AGPAT4: variants seen among roughly 807,000 people sequenced by gnomAD.
AGPAT4 encodes 1-acyl-sn-glycerol-3-phosphate acyltransferase delta.
Under a neutral mutation model 48.0 loss-of-function variants are expected in AGPAT4, and 15 were observed. That is an observed-to-expected ratio of 0.31 (90% CI 0.21 to 0.48). The LOEUF is 0.48. Among genes scored for constraint, AGPAT4 ranks in the 20% least tolerant of loss-of-function variants. The pLI, the probability that AGPAT4 is intolerant of heterozygous loss-of-function variation, is 0.99. For missense variants in AGPAT4, 314 were observed against 482.5 expected, an observed-to-expected ratio of 0.65 and a Z score of 3.27; for synonymous variants, 178 against 198.7, an observed-to-expected ratio of 0.90 and a Z score of 0.88.
Position 161,246,760 on chromosome 6 carries a change from G to A in AGPAT4, c.-89-14458C>T, listed in dbSNP as rs1782661028. ...GCACTTACTGAGTAATATACCCTGG[G>A]CCGGGATGACTTCCACCCCTTCCAC... On this transcript the variant is annotated intron_variant, in intron 1 of 8. Coordinates refer to ENST00000320285, the MANE Select transcript of AGPAT4 (RefSeq NM_020133.3). The surrounding 1 kb of genome is among the most constrained non-coding windows in gnomAD (Gnocchi z 5.5). 6.6e-6 allele frequency among the ~76,000 whole-genome samples: 1 copy of A among 152,116 alleles called. No homozygotes were observed. Among genetic ancestry groups the A allele is most frequent in the Non-Finnish European group, 1.5e-5 (1 of 68,020 alleles).
In AGPAT4 at chr6:161,267,303, GT is replaced by G. The variant is rs1783295101; in HGVS notation, c.-90+6634del. Among the ~76,000 whole-genome samples the G allele has an allele frequency of 6.6e-6, 1 of 152,170 alleles. No individual in the cohort carries two copies. Among genetic ancestry groups the G allele is most frequent in the Non-Finnish European group, 1.5e-5 (1 of 68,028 alleles). On this transcript the variant is annotated intron_variant, in intron 1 of 8. Coordinates refer to ENST00000320285, the MANE Select transcript of AGPAT4 (RefSeq NM_020133.3). The surrounding 1 kb of genome is among the most constrained non-coding windows in gnomAD (Gnocchi z 5.2). ...CTTGTCTTATAAAGTACTGCTGTTAGTTTTTCTCCAAATTCTAAAATACTAC... is the reference window on the plus strand; with the variant it reads ...CTTGTCTTATAAAGTACTGCTGTTAGTTTTCTCCAAATTCTAAAATACTAC...
rs967237857 is a variant in AGPAT4 at position 161,235,910 on chromosome 6, G to C, written c.-89-3608C>G. ...AAATTCAACGTGAGACTTGGGCAGGGACACAGATACAAACCATATCAGCTT... is the reference window on the plus strand; with the variant it reads ...AAATTCAACGTGAGACTTGGGCAGGCACACAGATACAAACCATATCAGCTT... On this transcript the variant is annotated intron_variant, in intron 1 of 8. Coordinates refer to ENST00000320285, the MANE Select transcript of AGPAT4 (RefSeq NM_020133.3). The surrounding 1 kb of genome is among the most constrained non-coding windows in gnomAD (Gnocchi z 6.2). 6.6e-6 allele frequency among the ~76,000 whole-genome samples: 1 copy of C among 152,164 alleles called. No homozygotes were observed. The highest frequency in any genetic ancestry group is 2.4e-5 in the African/African-American group (1 of 41,440).
In AGPAT4 at chr6:161,232,398, T is replaced by A; in HGVS notation, c.-89-96A>T. ...TGAAAAGAAAAATATACACTTGAGG[T>A]TAAACTCATGTGCGTTAGTTGATTT... On this transcript the variant is annotated intron_variant, in intron 1 of 8. Coordinates refer to ENST00000320285, the MANE Select transcript of AGPAT4 (RefSeq NM_020133.3). The surrounding 1 kb of genome is among the most constrained non-coding windows in gnomAD (Gnocchi z 6.8). 1 of 584,244 alleles carries A rather than the reference T, an allele frequency of 1.7e-6. No homozygotes were observed. Among genetic ancestry groups the A allele is most frequent in the Non-Finnish European group, 3.0e-6 (1 of 334,050 alleles). 36.2% of individuals were successfully genotyped at this position (584,244 alleles called of 1,614,324 possible). A position where few individuals can be genotyped will look rare whatever the true frequency, so the allele number is the denominator to read the frequency against.
rs1349203431 is a variant in AGPAT4, at chr6:161,197,479, TC to T, written c.179-31063del. On this transcript the variant is annotated intron_variant, in intron 2 of 8. Transcript: ENST00000320285. The surrounding 1 kb of genome is among the most constrained non-coding windows in gnomAD (Gnocchi z 5.7). The stretch of plus-strand genomic sequence containing the variant: ...ATCTTCCACAGTGATAGCTGCCTCT[TC>T]CGACTCCCAAATGCTCCCAATGCAC... Among the ~76,000 whole-genome samples, 33 of 152,260 alleles carry T rather than the reference TC, an allele frequency of 2.2e-4. No individual in the cohort carries two copies. Among genetic ancestry groups the T allele is most frequent in the Admixed American group, 1.0e-3 (16 of 15,290 alleles).
intron 2 of AGPAT4, among the ~76,000 whole-genome samples, chr6:161,199,218 G>A (rs769681911): frequency 1.1e-4 from 16 of 152,216 alleles, no homozygotes; most frequent in South Asian, 2.1e-4. Context: ...ATAGGACTGC[G>A]AATGTCGTCA....
intron 2 of AGPAT4, among the ~76,000 whole-genome samples, chr6:161,224,633 TC>T (rs1253545712): frequency 1.0e-5 from 1 of 95,628 alleles, no homozygotes. Context: ...AGAGCAAGAC[TC>T]CTTCTCAAAA....
At chr6:161,211,872 G>A (rs992670972) in intron 2 of AGPAT4, among the ~76,000 whole-genome samples, 8 of 152,084 alleles carry the variant, frequency 5.3e-5, no homozygotes, top group African/African-American at 1.9e-4. Context: ...TCCTGTAGAA[G>A]ATGCCAATCA....
In AGPAT4 at chr6:161,234,278, T is replaced by C. The variant is rs913937545; in HGVS notation, c.-89-1976A>G. On this transcript the variant is annotated intron_variant, in intron 1 of 8. Coordinates refer to ENST00000320285, the MANE Select transcript of AGPAT4 (RefSeq NM_020133.3). The surrounding 1 kb of genome is among the most constrained non-coding windows in gnomAD (Gnocchi z 4.4). ...TGCATTCCTGCAAGATTCCTATACA[T>C]TTCTGATAGGAGGGAAATGGGAAGA... Among the ~76,000 whole-genome samples, 1 of 152,174 alleles carries C rather than the reference T, an allele frequency of 6.6e-6. No homozygotes were observed. Among genetic ancestry groups the C allele is most frequent in the Non-Finnish European group, 1.5e-5 (1 of 68,030 alleles).
chr6:161,187,930 A>T (rs1276426965), intron 2 of AGPAT4, among the ~76,000 whole-genome samples: 1 of 152,220 alleles, frequency 6.6e-6, no homozygotes, highest in Non-Finnish European at 1.5e-5. Flanking sequence ...TACATAAGAT[A>T]AATACCTGCT....
rs1348748028 is a variant in AGPAT4 at position 161,255,423 on chromosome 6, C to T, written c.-90+18515G>A. On this transcript the variant is annotated intron_variant, in intron 1 of 8. Coordinates refer to ENST00000320285, the MANE Select transcript of AGPAT4 (RefSeq NM_020133.3). The surrounding 1 kb of genome is among the most constrained non-coding windows in gnomAD (Gnocchi z 4.7). ...ATCCACACAAAATCTTGTACACCCA[C>T]GTTCACGGCAGCGTTGCTCTCGATA... is the stretch of plus-strand genomic sequence containing the variant. 2.0e-5 allele frequency among the ~76,000 whole-genome samples: 3 copies of T among 152,312 alleles called. No individual in the cohort carries two copies. The highest frequency in any genetic ancestry group is 1.3e-4 in the Admixed American group (2 of 15,296).
rs1427422076 is a variant in AGPAT4, at chr6:161,189,933, GGCATCCCTTA to G, written c.179-23526_179-23517del. ...AATCAGGGTGTGTCTCACTATTGAT[GGCATCCCTTA>G]GTTTAATTGGAGCATTTCTTTTCCT... On this transcript the variant is annotated intron_variant, in intron 2 of 8. Transcript: ENST00000320285. The surrounding 1 kb of genome is among the most constrained non-coding windows in gnomAD (Gnocchi z 5.3). Among the ~76,000 whole-genome samples the G allele has an allele frequency of 6.6e-6, 1 of 152,156 alleles. No homozygotes were observed. The highest frequency in any genetic ancestry group is 1.5e-5 in the Non-Finnish European group (1 of 68,036).
intron 2 of AGPAT4, among the ~76,000 whole-genome samples, chr6:161,175,151 T>C (rs914476322): frequency 5.9e-5 from 9 of 152,230 alleles, no homozygotes; most frequent in African/African-American, 1.7e-4. Flanking sequence ...ATCAGGATGA[T>C]GCTGGCCTCA....
Position 161,212,051 on chromosome 6 carries a change from T to G in AGPAT4, c.178+19985A>C, listed in dbSNP as rs1781535354. Among the ~76,000 whole-genome samples, 1 of 152,190 alleles carries G rather than the reference T, an allele frequency of 6.6e-6. No homozygotes were observed. The highest frequency in any genetic ancestry group is 2.1e-4 in the South Asian group (1 of 4,828). ...TAATCATTAATGTTGAAGGGCACACTGATGCAAGACTAGCATATGGGCCCC... is the reference window on the plus strand; with the variant it reads ...TAATCATTAATGTTGAAGGGCACACGGATGCAAGACTAGCATATGGGCCCC... On this transcript the variant is annotated intron_variant, in intron 2 of 8. Coordinates refer to ENST00000320285, the MANE Select transcript of AGPAT4 (RefSeq NM_020133.3). The surrounding 1 kb of genome is among the most constrained non-coding windows in gnomAD (Gnocchi z 6.1).
At position 161,235,490 on chromosome 6, in the gene AGPAT4, C is replaced by A. The variant is rs1183632607; in HGVS notation, c.-89-3188G>T. ...GTGTGACATACGTCTTAAGTTCATT[C>A]CAGATAGACGTTTTGGGGACCCATC... On this transcript the variant is annotated intron_variant, in intron 1 of 8. Coordinates refer to ENST00000320285, the MANE Select transcript of AGPAT4 (RefSeq NM_020133.3). The surrounding 1 kb of genome is among the most constrained non-coding windows in gnomAD (Gnocchi z 6.2). Among the ~76,000 whole-genome samples the A allele has an allele frequency of 1.3e-5, 2 of 152,140 alleles. No homozygotes were observed. The highest frequency in any genetic ancestry group is 2.9e-5 in the Non-Finnish European group (2 of 68,034).
At chr6:161,192,744 T>C (rs1780961730) in intron 2 of AGPAT4, among the ~76,000 whole-genome samples, 1 of 152,228 alleles carries the variant, frequency 6.6e-6, no homozygotes, top group African/African-American at 2.4e-5. Flanking sequence ...AATGTGTTTA[T>C]TTTGCCATTA....
rs1252998469 is a variant in AGPAT4, at chr6:161,246,449, G to C, written c.-89-14147C>G. ...TTTGAGACAGAGTTTCACTCTTGTT[G>C]CCCAGGCTGGAGTGCAATGGAGTGA... On this transcript the variant is annotated intron_variant, in intron 1 of 8. Transcript: ENST00000320285. This position sits in a 1 kb window ranked among gnomAD's most constrained non-coding sequence, Gnocchi z 5.5. 1.3e-5 allele frequency among the ~76,000 whole-genome samples: 2 copies of C among 148,700 alleles called. No homozygotes were observed. The highest frequency in any genetic ancestry group is 3.0e-5 in the Non-Finnish European group (2 of 67,336).
chr6:161,187,362 G>A (rs1779680549), intron 2 of AGPAT4, among the ~76,000 whole-genome samples: 1 of 152,138 alleles, frequency 6.6e-6, no homozygotes, highest in South Asian at 2.1e-4. Context: ...AGCATGCAAG[G>A]CAGGGTTTGC....
chr6:161,130,820 A>G lies in AGPAT4; in HGVS notation c.*5720T>C. 1.9e-6 allele frequency: 1 copy of G among 518,668 alleles called. No homozygotes were observed. Among genetic ancestry groups the G allele is most frequent in the Non-Finnish European group, 3.9e-6 (1 of 259,628 alleles). 32.1% of individuals were successfully genotyped at this position (518,668 alleles called of 1,614,324 possible). On this transcript the variant is annotated 3_prime_UTR_variant, in exon 9 of 9. Transcript: ENST00000320285. ...TGCAGCGTTGTGACTTAGACACTTTACAAGTCTGAGCCATCCCGTACTAGT... is the reference window on the plus strand; with the variant it reads ...TGCAGCGTTGTGACTTAGACACTTTGCAAGTCTGAGCCATCCCGTACTAGT...
rs550169569 is a variant in AGPAT4 at position 161,176,155 on chromosome 6, C to T, written c.179-9738G>A. ...GTTCTACAGATGTCTATTAGGTCCA[C>T]TTGGTGCAGAGCTGAGTTCAATTCC... On this transcript the variant is annotated intron_variant, in intron 2 of 8. Transcript: ENST00000320285. 2.0e-4 allele frequency among the ~76,000 whole-genome samples: 31 copies of T among 152,296 alleles called. No individual in the cohort carries two copies. The South Asian group carries it at 6.0e-3, about 30-fold the overall frequency.
Sources: gnomAD v4.1 joint callset for allele counts (sites outside exome capture counted in the v4.1 genomes callset) on GRCh38, gnomAD v4.1.1 for gene constraint, Gnocchi (gnomAD v3.1) non-coding constraint, MANE v1.5 for transcripts, NCBI Gene and HGNC (gene_info 2026-07-23, HGNC 2026-07-21) for gene names.